The following FAM120A variants were observed in gnomAD, a reference collection of about 807,000 sequenced individuals.
FAM120A encodes the protein family with sequence similarity 120 member A.
Under a neutral mutation model 109.7 loss-of-function variants are expected in FAM120A, and 15 were observed. The ratio of observed to expected loss-of-function variants is 0.14; its 90% confidence interval spans 0.09 to 0.21. The LOEUF is 0.21. Among genes scored for constraint, FAM120A ranks in the 10% least tolerant of loss-of-function variants. The pLI is 1.00. For synonymous variants in FAM120A, 493 were observed against 572.8 expected, an observed-to-expected ratio of 0.86 and a Z score of 1.99; for missense variants, 899 against 1,439.3, an observed-to-expected ratio of 0.62 and a Z score of 6.07.
chr9:93,499,000 T>TA lies in FAM120A; in HGVS notation c.1030+115dup. On this transcript the variant is annotated intron_variant, in intron 5 of 17. Coordinates refer to ENST00000277165, the MANE Select transcript of FAM120A (RefSeq NM_014612.5). This position sits in a 1 kb window ranked among gnomAD's most constrained non-coding sequence, Gnocchi z 4.4. ...TTTTTGAAACATGATTTTCTGTAGT[T>TA]ATGCCAGTAAGTATAGCCAAACTTC... 1 of 782,818 alleles carries TA rather than the reference T, an allele frequency of 1.3e-6. No homozygotes were observed. 48.5% of individuals were successfully genotyped at this position (782,818 alleles called of 1,614,324 possible).
chr9:93,547,875 T>G (rs1211457694), intron 11 of FAM120A, among the ~76,000 whole-genome samples: 1 of 152,210 alleles, frequency 6.6e-6, no homozygotes, highest in Non-Finnish European at 1.5e-5. Context: ...TGTATGTACC[T>G]AGTAATTCAT....
chr9:93,453,553 C>G (rs946122080), intron 1 of FAM120A: 1 of 985,400 alleles, frequency 1.0e-6, no homozygotes, highest in Non-Finnish European at 1.2e-6. Context: ...GCCCCCACTG[C>G]CCGCGAGGAG....
chr9:93,557,127 G>GTTTTTTTTTT (rs60903831), intron 13 of FAM120A, among the ~76,000 whole-genome samples: 2 of 120,188 alleles, frequency 1.7e-5, no homozygotes, highest in African/African-American at 3.2e-5. Context: ...GTTTGTTTTG[G>GTTTTTTTTTT]TTTTTTTTTT....
At chr9:93,462,949 G>T (rs575510805) in intron 1 of FAM120A, among the ~76,000 whole-genome samples, 4 of 152,230 alleles carry the variant, frequency 2.6e-5, no homozygotes, top group African/African-American at 9.6e-5. Flanking sequence ...GGACACTTGG[G>T]TTTCATCCTT....
At chr9:93,529,187 T>C (rs1480764139) in intron 8 of FAM120A, among the ~76,000 whole-genome samples, 166 bp from the exon 9 acceptor site, 1 of 152,178 alleles carries the variant, frequency 6.6e-6, no homozygotes, top group Admixed American at 6.5e-5. Context: ...ATCAGAGTGC[T>C]CTCTGTTTCC....
chr9:93,484,862 ACTGCGCCCGGC>A (rs1410523666), intron 3 of FAM120A, among the ~76,000 whole-genome samples: 1 of 152,214 alleles, frequency 6.6e-6, no homozygotes, highest in East Asian at 1.9e-4. Context: ...GGCATGAGCC[ACTGCGCCCGGC>A]CTGCTGACTG....
intron 1 of FAM120A, among the ~76,000 whole-genome samples, chr9:93,467,952 A>T (rs1162072429): frequency 6.6e-6 from 1 of 150,916 alleles, no homozygotes; most frequent in Non-Finnish European, 1.5e-5. Flanking sequence ...TGTGATCTTG[A>T]CTCACTGCAA....
intron 7 of FAM120A, among the ~76,000 whole-genome samples, chr9:93,519,470 T>C (rs1047983118): frequency 1.3e-4 from 20 of 152,306 alleles, no homozygotes; most frequent in Admixed American, 1.3e-3. Context: ...CTCAAACTCC[T>C]GACCTCAGGT....
At chr9:93,506,025 C>T (rs1266283104) in intron 5 of FAM120A, among the ~76,000 whole-genome samples, 1 of 152,140 alleles carries the variant, frequency 6.6e-6, no homozygotes, top group East Asian at 1.9e-4. Context: ...TTTCTGGGCT[C>T]AGTTCTGTTG....
At chr9:93,477,623 T>A (rs1277615832) in intron 3 of FAM120A, among the ~76,000 whole-genome samples, 1 of 152,232 alleles carries the variant, frequency 6.6e-6, no homozygotes, top group East Asian at 1.9e-4. Context: ...CTGTGCTCAG[T>A]AGCTCTGTTA....
intron 10 of FAM120A, among the ~76,000 whole-genome samples, chr9:93,539,622 A>G (rs1002624654): frequency 5.9e-5 from 9 of 152,232 alleles, no homozygotes; most frequent in African/African-American, 1.2e-4. Context: ...GCTGGAGCCC[A>G]GTGCCATGGG....
At chr9:93,512,093 G>GT (rs1357184822) in intron 5 of FAM120A, among the ~76,000 whole-genome samples, 1 of 152,174 alleles carries the variant, frequency 6.6e-6, no homozygotes, top group Non-Finnish European at 1.5e-5. Flanking sequence ...AACCAGGCCA[G>GT]TTTTTTGTTT....
At chr9:93,527,843 G>A (rs555915500) in intron 8 of FAM120A, among the ~76,000 whole-genome samples, 2 of 151,886 alleles carry the variant, frequency 1.3e-5, no homozygotes, top group Non-Finnish European at 2.9e-5. Context: ...GGCTAGTCTC[G>A]AACCCTTGAC....
Position 93,529,391 on chromosome 9 carries a change from A to G in FAM120A, c.1545A>G (p.Leu515=). Residue 515 remains leucine, a synonymous_variant, in exon 9 of 18, where the codon CTA becomes CTG. Transcript: ENST00000277165. The part of the protein sequence containing the change: ...GSSTASSGSQ[L]AEGKGSQMGT... ...CCACTGCCTCTTCAGGAAGCCAACTAGCCGAAGGCAAGGGAAGCCAGATGG... is the reference window on the plus strand; with the variant it reads ...CCACTGCCTCTTCAGGAAGCCAACTGGCCGAAGGCAAGGGAAGCCAGATGG... 1 of 1,612,616 alleles carries G rather than the reference A, an allele frequency of 6.2e-7. No homozygotes were observed. The highest frequency in any genetic ancestry group is 2.2e-5 in the East Asian group (1 of 44,880).
chr9:93,523,322 AG>A, intron 7 of FAM120A: 1 of 1,289,432 alleles, frequency 7.8e-7, no homozygotes, highest in Non-Finnish European at 1.0e-6. Context: ...TGTTTCACAA[AG>A]AGAATTCCAT....
At chr9:93,457,399 T>A (rs988584179) in intron 1 of FAM120A, among the ~76,000 whole-genome samples, 3 of 151,828 alleles carry the variant, frequency 2.0e-5, no homozygotes, top group Admixed American at 6.6e-5. Context: ...AGTTCCATTT[T>A]TTCACATTAA....
intron 5 of FAM120A, among the ~76,000 whole-genome samples, chr9:93,502,480 C>T (rs1401424243): frequency 6.6e-6 from 1 of 151,532 alleles, no homozygotes; most frequent in Non-Finnish European, 1.5e-5. Flanking sequence ...TCTTTGTAAG[C>T]CTGTAAATCT....
intron 7 of FAM120A, among the ~76,000 whole-genome samples, chr9:93,519,570 A>G (rs987387747): frequency 2.6e-5 from 4 of 152,060 alleles, no homozygotes; most frequent in African/African-American, 9.7e-5. Context: ...CTAGACTGTA[A>G]AATAGCGGAG....
chr9:93,532,356 G>T lies in FAM120A; in HGVS notation c.1909+27G>T. The T allele has an allele frequency of 6.2e-7, 1 of 1,609,738 alleles. No homozygotes were observed. On this transcript the variant is annotated intron_variant, in intron 10 of 17. Coordinates refer to ENST00000277165, the MANE Select transcript of FAM120A (RefSeq NM_014612.5). This position sits in a 1 kb window ranked among gnomAD's most constrained non-coding sequence, Gnocchi z 4.3. ...TATGTACTGTAACAATCCATTGTTTGTTTTCCTCGGTACCTCGTAATCTCT... is the reference window on the plus strand; with the variant it reads ...TATGTACTGTAACAATCCATTGTTTTTTTTCCTCGGTACCTCGTAATCTCT...
Sources: gnomAD v4.1 joint callset for allele counts (sites outside exome capture counted in the v4.1 genomes callset) on GRCh38, gnomAD v4.1.1 for gene constraint, Gnocchi (gnomAD v3.1) non-coding constraint, MANE v1.5 for transcripts, NCBI Gene and HGNC (gene_info 2026-07-23, HGNC 2026-07-21) for gene names.